Variants in PDE3B observed in about 807,000 individuals in gnomAD.
The protein encoded by PDE3B is cGMP-inhibited 3',5'-cyclic phosphodiesterase 3B.
A neutral mutation model predicts 116.8 loss-of-function variants in PDE3B; 66 were observed. The observed-to-expected ratio is 0.56, with a 90% CI of 0.46 to 0.69. PDE3B has a LOEUF of 0.69. PDE3B is among the 30% of genes least tolerant of loss of function. The pLI is 0.00. For synonymous variants in PDE3B, 595 were observed against 533.6 expected, an observed-to-expected ratio of 1.12 and a Z score of -1.59; for missense variants, 1,384 against 1,368.1, an observed-to-expected ratio of 1.01 and a Z score of -0.18.
rs553356513 is a variant in PDE3B at position 14,691,866 on chromosome 11, A to G, written c.978+46813A>G. On this transcript the variant is annotated intron_variant, in intron 1 of 15. Coordinates refer to ENST00000282096, the MANE Select transcript of PDE3B (RefSeq NM_000922.4). The stretch of plus-strand genomic sequence containing the variant: ...TGTTGCTTTTTGTCAGTGTATTTAG[A>G]AAACTATTTTATGCAAGTCAAATTG... Among the ~76,000 whole-genome samples the G allele has an allele frequency of 3.3e-5, 5 of 152,296 alleles. No individual in the cohort carries two copies. In the East Asian group the frequency reaches 7.7e-4, roughly 23 times the overall value.
intron 1 of PDE3B, among the ~76,000 whole-genome samples, chr11:14,717,599 G>T (rs897456026): frequency 4.7e-5 from 4 of 84,700 alleles, no homozygotes; most frequent in African/African-American, 2.0e-4. Context: ...AGCCAGAAGA[G>T]AGTGGGGGCC....
chr11:14,869,684 T>A lies in PDE3B; in HGVS notation c.*24T>A. ...AGCGACAGTTTGAGTAAAAGAAAAG[T>A]CATATTGAAGAAGCCCAGAGGGTTG... is the stretch of plus-strand genomic sequence containing the variant. On this transcript the variant is annotated 3_prime_UTR_variant, in exon 16 of 16. Transcript: ENST00000282096. The A allele has an allele frequency of 6.3e-7, 1 of 1,599,282 alleles. No individual in the cohort carries two copies. Among genetic ancestry groups the A allele is most frequent in the African/African-American group, 1.3e-5 (1 of 74,598 alleles).
chr11:14,688,012 A>T (rs1249401798), intron 1 of PDE3B, among the ~76,000 whole-genome samples: 2 of 152,072 alleles, frequency 1.3e-5, no homozygotes, highest in African/African-American at 4.8e-5. Context: ...TATTTCTGTG[A>T]TACTCAGGTG....
chr11:14,860,284 G>A (rs1847923039), intron 13 of PDE3B, among the ~76,000 whole-genome samples: 1 of 152,022 alleles, frequency 6.6e-6, no homozygotes, highest in African/African-American at 2.4e-5. Flanking sequence ...TCAAAAAAAT[G>A]CCATATGAAT....
At chr11:14,876,967 A>G (rs1450875241), downstream of PDE3B, among the ~76,000 whole-genome samples, 1 of 152,172 alleles carries the variant, frequency 6.6e-6, no homozygotes, top group Admixed American at 6.6e-5. Context: ...TGTATAACAC[A>G]CAAACTTGAA....
At chr11:14,838,418 A>C (rs768155126) in intron 11 of PDE3B, among the ~76,000 whole-genome samples, 13 of 152,196 alleles carry the variant, frequency 8.5e-5, no homozygotes, top group Non-Finnish European at 2.9e-5. Flanking sequence ...TAAGATATCA[A>C]ATGGGAAATA....
chr11:14,769,596 GAT>G (rs3059191), intron 1 of PDE3B, among the ~76,000 whole-genome samples: 115 of 141,456 alleles, frequency 8.1e-4, no homozygotes, highest in East Asian at 6.8e-3. Flanking sequence ...CGAATCCAGG[GAT>G]ATATATATAT....
At chr11:14,653,575 CA>C (rs1394390053) in intron 1 of PDE3B, among the ~76,000 whole-genome samples, 2 of 149,548 alleles carry the variant, frequency 1.3e-5, no homozygotes, top group Admixed American at 6.7e-5. Flanking sequence ...AAAAAAAAAC[CA>C]AAAAAACCAA....
chr11:14,891,975 C>A, the PDE3B span: 1 of 1,612,676 alleles, frequency 6.2e-7, no homozygotes. Flanking sequence ...CCCGTCGGGG[C>A]TGTACCTCTC....
intron 5 of PDE3B, among the ~76,000 whole-genome samples, chr11:14,811,012 GTTGT>G (rs1245504524): frequency 1.3e-5 from 2 of 152,092 alleles, no homozygotes; most frequent in East Asian, 3.9e-4. Flanking sequence ...TGTTGATGGG[GTTGT>G]TTGTTTTTTT....
chr11:14,796,488 G>A (rs539309027), intron 4 of PDE3B, among the ~76,000 whole-genome samples: 2 of 152,318 alleles, frequency 1.3e-5, no homozygotes, highest in African/African-American at 2.4e-5. Context: ...CTCACCAACA[G>A]TGTAAAAGTA....
At chr11:14,739,500 G>A (rs1234885268) in intron 1 of PDE3B, among the ~76,000 whole-genome samples, 1 of 152,090 alleles carries the variant, frequency 6.6e-6, no homozygotes, top group Non-Finnish European at 1.5e-5. Flanking sequence ...AGGAGATTTT[G>A]GGCTGAGATG....
intron 7 of PDE3B, among the ~76,000 whole-genome samples, chr11:14,826,077 A>G (rs1395827429): frequency 1.3e-5 from 2 of 152,214 alleles, no homozygotes; most frequent in Non-Finnish European, 2.9e-5. Flanking sequence ...ACGAATGAGA[A>G]CAAAGATACA....
intron 1 of PDE3B, among the ~76,000 whole-genome samples, chr11:14,753,725 G>A (rs992423537): frequency 6.6e-6 from 1 of 151,970 alleles, no homozygotes; most frequent in Non-Finnish European, 1.5e-5. Flanking sequence ...AGGGGAGCAG[G>A]AACTCCCCAG....
At chr11:14,780,547 A>G (rs1434695255) in intron 2 of PDE3B, among the ~76,000 whole-genome samples, 1 of 152,364 alleles carries the variant, frequency 6.6e-6, no homozygotes, top group Non-Finnish European at 1.5e-5. Flanking sequence ...AAACTGAACA[A>G]CCTGCTCCTG....
At chr11:14,743,380 C>G (rs537318847) in intron 1 of PDE3B, among the ~76,000 whole-genome samples, 21 of 152,186 alleles carry the variant, frequency 1.4e-4, no homozygotes, top group Non-Finnish European at 2.9e-4. Flanking sequence ...ACCGCCTACT[C>G]AAGTCTCAGT....
rs1847525732 is a variant in PDE3B, at chr11:14,843,815, A to G, written c.2321-12A>G. ...CTAATGCTGGTTTATTTTGCTATTT[A>G]TTGTTTCTCAGATTCTGATGGTAGA... On this transcript the variant is annotated splice_polypyrimidine_tract_variant and intron_variant, in intron 11 of 15. Transcript: ENST00000282096. 1 of 1,607,692 alleles carries G rather than the reference A, an allele frequency of 6.2e-7. No homozygotes were observed. The highest frequency in any genetic ancestry group is 1.7e-5 in the Admixed American group (1 of 59,966).
At chr11:14,654,093 T>C (rs573986944) in intron 1 of PDE3B, among the ~76,000 whole-genome samples, 73 of 152,098 alleles carry the variant, frequency 4.8e-4, no homozygotes, top group African/African-American at 1.7e-3. Context: ...TTGGACTTAA[T>C]TGAAGTTCGA....
At chr11:14,842,899 G>T (rs183324801) in intron 11 of PDE3B, among the ~76,000 whole-genome samples, 1 of 152,234 alleles carries the variant, frequency 6.6e-6, no homozygotes, top group South Asian at 2.1e-4. Flanking sequence ...TTCTTGTGAT[G>T]GTGTATTGAG....
Sources: gnomAD v4.1 joint callset for allele counts (sites outside exome capture counted in the v4.1 genomes callset) on GRCh38, gnomAD v4.1.1 for gene constraint, MANE v1.5 for transcripts, NCBI Gene and HGNC (gene_info 2026-07-23, HGNC 2026-07-21) for gene names.